ALDH7A1: variants seen among roughly 807,000 people sequenced by gnomAD.
ALDH7A1 encodes alpha-aminoadipic semialdehyde dehydrogenase.
In ALDH7A1, 63 loss-of-function variants were observed where a neutral mutation model predicts 79.9. That is an observed-to-expected ratio of 0.79 (90% confidence interval 0.64 to 0.97). ALDH7A1 has a LOEUF of 0.97. Among genes scored for constraint, ALDH7A1 ranks in the 50% least tolerant of loss-of-function variants. The pLI is 0.00. For missense variants in ALDH7A1, 627 were observed against 665.2 expected (o/e 0.94, Z 0.63); for synonymous variants, 240 against 231.2 (o/e 1.04, Z -0.34).
chr5:126,574,023 C>CAAAAAAAA (rs34601459), intron 7 of ALDH7A1, among the ~76,000 whole-genome samples: 6 of 57,230 alleles, frequency 1.0e-4, no homozygotes, highest in African/African-American at 2.7e-4. Context: ...AAGACTGTCT[C>CAAAAAAAA]AAAAAAAAAA....
In ALDH7A1 at chr5:126,593,383, CA is replaced by C; in HGVS notation, c.213del (p.Ala72LeufsTer6). 1 of 1,612,966 alleles carries C rather than the reference CA, an allele frequency of 6.2e-7. No individual in the cohort carries two copies. The highest frequency in any genetic ancestry group is 8.5e-7 in the Non-Finnish European group (1 of 1,179,948). ...ACTCTTGCTATTGGCTCGTTGTTAG[CA>C]GGGCAATAGGTCGTAATAACCTTAA... ...GRGEVITTYC[P>X]ANNEPIARVR... On this transcript the variant is annotated frameshift_variant, in exon 2 of 18. Coordinates refer to ENST00000409134, the MANE Select transcript of ALDH7A1 (RefSeq NM_001182.5). LOFTEE classifies it high-confidence loss of function.
intron 3 of ALDH7A1, among the ~76,000 whole-genome samples, chr5:126,589,239 G>A (rs192013020): frequency 1.3e-5 from 2 of 152,020 alleles, no homozygotes; most frequent in Non-Finnish European, 2.9e-5. Context: ...CTCACTGCAA[G>A]GTCGGCCTCC....
At chr5:126,545,420 G>A (rs917503073) in intron 17 of ALDH7A1, among the ~76,000 whole-genome samples, 7 of 151,446 alleles carry the variant, frequency 4.6e-5, no homozygotes, top group Non-Finnish European at 8.8e-5. Flanking sequence ...GCACCACCAC[G>A]CCTGGCTAAT....
chr5:126,557,140 T>TA (rs1750222052), intron 11 of ALDH7A1, among the ~76,000 whole-genome samples: 1 of 152,222 alleles, frequency 6.6e-6, no homozygotes, highest in Non-Finnish European at 1.5e-5. Flanking sequence ...TTCTTAGCTT[T>TA]AACGTAATCT....
At chr5:126,569,302 C>G (rs11742381) in intron 8 of ALDH7A1, 7,083 of 152,328 alleles carry the variant, frequency 0.046, 202 homozygotes, top group East Asian at 0.14. Flanking sequence ...TCCACTAAAC[C>G]AGTCCCAGTC....
At chr5:126,571,207 G>A (rs540073240) in intron 7 of ALDH7A1, 170 of 303,370 alleles carry the variant, frequency 5.6e-4, no homozygotes, top group African/African-American at 3.8e-3. Flanking sequence ...GCCAGGTGTG[G>A]TGGCTCATGC....
intron 3 of ALDH7A1, chr5:126,588,168 G>A (rs1465824643): frequency 1.3e-5 from 2 of 152,186 alleles, no homozygotes; most frequent in Admixed American, 1.3e-4. Context: ...GCACTCCCTA[G>A]GGCAAAGATA....
intron 8 of ALDH7A1, chr5:126,570,427 G>A (rs1473081315): frequency 4.4e-6 from 1 of 227,286 alleles, no homozygotes; most frequent in African/African-American, 2.3e-5. Flanking sequence ...TAGGTTCTTG[G>A]CAGGCAGTGA....
chr5:126,556,033 T>A lies in ALDH7A1; in HGVS notation c.1009-18A>T. 2 of 1,560,760 alleles carry A rather than the reference T, an allele frequency of 1.3e-6. No individual in the cohort carries two copies. The highest frequency in any genetic ancestry group is 1.4e-5 in the African/African-American group (1 of 73,922). ...TGTATAAACTAAACGAAAAAAGATA[T>A]TCAAGGGCATAGTATGATAAATGCA... On this transcript the variant is annotated intron_variant, in intron 11 of 17. Coordinates refer to ENST00000409134, the MANE Select transcript of ALDH7A1 (RefSeq NM_001182.5).
At chr5:126,576,136 G>A (rs1436940412) in intron 6 of ALDH7A1, among the ~76,000 whole-genome samples, 3 of 151,860 alleles carry the variant, frequency 2.0e-5, no homozygotes, top group African/African-American at 4.8e-5. Flanking sequence ...GGTGGCAGAC[G>A]CCTGTAGTCC....
At chr5:126,576,494 A>T (rs1750974342) in intron 6 of ALDH7A1, among the ~76,000 whole-genome samples, 1 of 152,210 alleles carries the variant, frequency 6.6e-6, no homozygotes, top group South Asian at 2.1e-4. Context: ...TCCACTGAAC[A>T]CAAAAGTAAA....
intron 3 of ALDH7A1, chr5:126,586,284 T>C (rs920892175): frequency 6.6e-6 from 1 of 152,248 alleles, no homozygotes; most frequent in Non-Finnish European, 1.5e-5. Context: ...ACATAACCTA[T>C]ACATTTCCTA....
Position 126,555,963 on chromosome 5 carries a change from T to A in ALDH7A1, c.1061A>T (p.Tyr354Phe). Residue 354 changes from tyrosine (Y) to phenylalanine (F), a missense_variant, in exon 12 of 18, where the codon TAT becomes TTT. Coordinates refer to ENST00000409134, the MANE Select transcript of ALDH7A1 (RefSeq NM_001182.5). ...TGGGTTCCCAACTCGGATCTGTGCATAGGCCTTTTTAAGTCTGTTTACAAC... is the reference window on the plus strand; with the variant it reads ...TGGGTTCCCAACTCGGATCTGTGCAAAGGCCTTTTTAAGTCTGTTTACAAC... ...DEVVNRLKKA[Y>F]AQIRVGNPWD... 6.2e-7 allele frequency: 1 copy of A among 1,613,590 alleles called. No homozygotes were observed. The highest frequency in any genetic ancestry group is 8.5e-7 in the Non-Finnish European group (1 of 1,179,654).
At chr5:126,589,864 G>T (rs560015582) in intron 3 of ALDH7A1, among the ~76,000 whole-genome samples, 1 of 151,080 alleles carries the variant, frequency 6.6e-6, no homozygotes, top group Non-Finnish European at 1.5e-5. Flanking sequence ...GAAGTAAGAA[G>T]CGCCTCTGCC....
rs1385523433 is a variant in ALDH7A1, at chr5:126,561,107, G to T, written c.889C>A (p.Leu297Ile). 5.6e-6 allele frequency: 9 copies of T among 1,612,652 alleles called. No homozygotes were observed. The highest frequency in any genetic ancestry group is 7.6e-6 in the Non-Finnish European group (9 of 1,179,498). ...QERFGRSLLE[L>I]GGNNAIIAFE... is the part of the protein sequence containing the mutation. The stretch of plus-strand genomic sequence containing the variant: ...CCAATAATGGCATTGTTTCCTCCAA[G>T]TTCCAACAGACTTCTCCCTTAAAAG... Residue 297 changes from leucine (L) to isoleucine (I), a missense_variant, in exon 10 of 18, where the codon CTT becomes ATT. By Grantham distance (5) the Leu-to-Ile change is conservative. Transcript: ENST00000409134.
At chr5:126,590,651 A>G (rs1751522938) in intron 3 of ALDH7A1, among the ~76,000 whole-genome samples, 1 of 152,130 alleles carries the variant, frequency 6.6e-6, no homozygotes, top group Non-Finnish European at 1.5e-5. Context: ...TTGGGAGGCC[A>G]AAGAGGGCAG....
intron 9 of ALDH7A1, 34 bp from the exon 10 acceptor site, chr5:126,561,158 G>C: frequency 6.5e-7 from 1 of 1,535,774 alleles, no homozygotes; most frequent in Non-Finnish European, 8.9e-7. Flanking sequence ...AAAAATTAAT[G>C]CCTACTTCCA....
intron 1 of ALDH7A1, chr5:126,594,404 ACAAGACCATAGATCC>A (rs1462108494): frequency 2.8e-6 from 1 of 356,604 alleles, no homozygotes; most frequent in East Asian, 7.6e-5. Context: ...CACATTTCTC[ACAAGACCATAGATCC>A]CAAGACCATA....
intron 16 of ALDH7A1, among the ~76,000 whole-genome samples, chr5:126,548,099 G>A (rs893785173): frequency 6.6e-6 from 1 of 151,928 alleles, no homozygotes; most frequent in South Asian, 2.1e-4. Flanking sequence ...AGGAGGAGGA[G>A]AAGAAAAGTA....
Sources: allele counts gnomAD v4.1 joint callset (sites outside exome capture counted in the v4.1 genomes callset), GRCh38; gene constraint gnomAD v4.1.1; transcripts MANE v1.5; gene names NCBI Gene and HGNC (gene_info 2026-07-23, HGNC 2026-07-21).